The following MTUS1 variants were observed in gnomAD, a reference collection of about 807,000 sequenced individuals.
MTUS1 encodes the protein microtubule-associated tumor suppressor 1.
In MTUS1, 109 loss-of-function variants were observed where a neutral mutation model predicts 120.8. The observed-to-expected ratio is 0.90, with a 90% CI of 0.77 to 1.06. MTUS1 has a LOEUF of 1.06. MTUS1 is among the 50% of genes least tolerant of loss of function. The pLI, the probability that MTUS1 is intolerant of heterozygous loss-of-function variation, is 0.00. For missense variants in MTUS1, 2,210 were observed against 1,486.3 expected (o/e 1.49, Z -8.01); for synonymous variants, 737 against 550.5 (o/e 1.34, Z -4.74).
At chr8:17,680,599 A>C (rs1161730955) in intron 7 of MTUS1, among the ~76,000 whole-genome samples, 1 of 152,108 alleles carries the variant, frequency 6.6e-6, no homozygotes. Context: ...TGTCTGGGAA[A>C]TTCACTAGGA....
chr8:17,662,758 G>T (rs1482135159), intron 8 of MTUS1, among the ~76,000 whole-genome samples: 1 of 151,032 alleles, frequency 6.6e-6, no homozygotes, highest in Non-Finnish European at 1.5e-5. Flanking sequence ...GGCAACTTTT[G>T]TATACATGTT....
chr8:17,737,061 C>A lies in MTUS1; in HGVS notation c.2287+6543G>T, dbSNP rs1191434845. Among the ~76,000 whole-genome samples the A allele has an allele frequency of 2.0e-5, 3 of 152,342 alleles. No individual in the cohort carries two copies. The South Asian group carries it at 6.2e-4, about 32-fold the overall frequency. ...AGCCTTCCCCACATTCTCCTTCACA[C>A]ATATGTGGTTTAATGAAGAATTCAC... is the stretch of plus-strand genomic sequence containing the variant. On this transcript the variant is annotated intron_variant, in intron 3 of 14. Coordinates refer to ENST00000693296, the MANE Select transcript of MTUS1 (RefSeq NM_001363059.2).
chr8:17,701,083 G>A (rs555440797), intron 6 of MTUS1, among the ~76,000 whole-genome samples: 2 of 152,268 alleles, frequency 1.3e-5, no homozygotes, highest in Admixed American at 6.5e-5. Context: ...CATAAAGAAT[G>A]AGGAAGAAGA....
intron 6 of MTUS1, among the ~76,000 whole-genome samples, chr8:17,694,987 A>G (rs1817671874): frequency 6.6e-6 from 1 of 152,148 alleles, no homozygotes; most frequent in African/African-American, 2.4e-5. Flanking sequence ...CAAGGCTACA[A>G]TCCAGGCCTC....
intron 1 of MTUS1, among the ~76,000 whole-genome samples, chr8:17,774,310 T>A (rs2050241561): frequency 1.3e-5 from 2 of 152,224 alleles, no homozygotes; most frequent in Non-Finnish European, 2.9e-5. Flanking sequence ...CAGTTAGGAC[T>A]TTGTTTCCAT....
intron 3 of MTUS1, among the ~76,000 whole-genome samples, chr8:17,739,167 C>G (rs2047135317): frequency 6.6e-6 from 1 of 151,690 alleles, no homozygotes; most frequent in African/African-American, 2.4e-5. Flanking sequence ...AGAAAACAAA[C>G]AAACAAAAAA....
intron 3 of MTUS1, among the ~76,000 whole-genome samples, chr8:17,740,334 T>C (rs1040246831): frequency 6.6e-5 from 10 of 152,244 alleles, no homozygotes; most frequent in African/African-American, 2.4e-4. Context: ...GTTTTCTACT[T>C]AAGTGTTCTG....
intron 3 of MTUS1, among the ~76,000 whole-genome samples, chr8:17,728,790 T>G (rs1339289412): frequency 1.4e-5 from 2 of 139,652 alleles, no homozygotes; most frequent in African/African-American, 2.6e-5. Context: ...GTTGGGGGGG[T>G]CGGGGAGGGT....
At chr8:17,747,247 C>G (rs1226231282) in intron 2 of MTUS1, among the ~76,000 whole-genome samples, 1 of 152,164 alleles carries the variant, frequency 6.6e-6, no homozygotes, top group African/African-American at 2.4e-5. Flanking sequence ...CTAGAGTCCC[C>G]TAAATTAGAA....
chr8:17,717,396 G>C (rs1822548701), intron 4 of MTUS1, among the ~76,000 whole-genome samples: 1 of 152,264 alleles, frequency 6.6e-6, no homozygotes, highest in South Asian at 2.1e-4. Context: ...CATAGAAAAT[G>C]GATATTGGGT....
At chr8:17,720,087 G>A (rs1369698096) in intron 4 of MTUS1, among the ~76,000 whole-genome samples, 8 of 152,274 alleles carry the variant, frequency 5.3e-5, no homozygotes, top group East Asian at 3.9e-4. Context: ...GCTCATGCCT[G>A]TAATCCCAGC....
intron 6 of MTUS1, among the ~76,000 whole-genome samples, chr8:17,699,869 G>T (rs1818696164): frequency 6.6e-6 from 1 of 152,032 alleles, no homozygotes; most frequent in African/African-American, 2.4e-5. Context: ...TTAAATAACT[G>T]GATAAGCAAT....
chr8:17,720,415 T>C (rs1435864628), intron 4 of MTUS1, among the ~76,000 whole-genome samples: 1 of 152,082 alleles, frequency 6.6e-6, no homozygotes, highest in Non-Finnish European at 1.5e-5. Context: ...TTCTGCATGT[T>C]ACACCCCACT....
chr8:17,762,155 T>C (rs969824944), intron 1 of MTUS1, among the ~76,000 whole-genome samples: 2 of 152,128 alleles, frequency 1.3e-5, no homozygotes, highest in Non-Finnish European at 2.9e-5. Context: ...GGCAGGTGCC[T>C]GTAATCCCAC....
At chr8:17,735,466 A>C (rs2046861873) in intron 3 of MTUS1, among the ~76,000 whole-genome samples, 1 of 151,786 alleles carries the variant, frequency 6.6e-6, no homozygotes. Flanking sequence ...ATCAGCCTCT[A>C]CCTCCCTCGA....
chr8:17,701,340 G>T (rs1031882537), intron 6 of MTUS1, among the ~76,000 whole-genome samples: 1 of 152,004 alleles, frequency 6.6e-6, no homozygotes, highest in Non-Finnish European at 1.5e-5. Context: ...TCCTCAGTAC[G>T]AAGATAAATT....
chr8:17,716,587 C>G (rs1180401839), intron 4 of MTUS1: 1 of 161,628 alleles, frequency 6.2e-6, no homozygotes, highest in Non-Finnish European at 1.3e-5. Context: ...CGGAGTCTCA[C>G]TCTGTCGTCC....
At chr8:17,676,613 G>A in intron 7 of MTUS1, 1 of 421,018 alleles carries the variant, frequency 2.4e-6, no homozygotes, top group East Asian at 3.6e-5. Context: ...GCATTAGACT[G>A]ATCGATTGCC....
intron 1 of MTUS1, among the ~76,000 whole-genome samples, chr8:17,765,097 C>T (rs1009098960): frequency 4.6e-5 from 7 of 152,208 alleles, no homozygotes; most frequent in African/African-American, 7.2e-5. Context: ...ATAAGTAGCT[C>T]GCAACCTAGA....
Sources: gnomAD v4.1 joint callset for allele counts (sites outside exome capture counted in the v4.1 genomes callset) on GRCh38, gnomAD v4.1.1 for gene constraint, MANE v1.5 for transcripts, NCBI Gene and HGNC (gene_info 2026-07-23, HGNC 2026-07-21) for gene names.